The following SOX5 variants were observed in gnomAD, a reference collection of about 807,000 sequenced individuals.
The protein encoded by SOX5 is SRY-box transcription factor 5, also known as transcription factor SOX-5.
A neutral mutation model predicts 92.0 loss-of-function variants in SOX5; 9 were observed. That is an observed-to-expected ratio of 0.10 (90% CI 0.06 to 0.17). SOX5 has a LOEUF of 0.17. Among genes scored for constraint, SOX5 ranks in the 10% least tolerant of loss-of-function variants. The pLI, the probability that SOX5 is intolerant of heterozygous loss-of-function variation, is 1.00. For missense variants in SOX5, 642 were observed against 944.5 expected, an observed-to-expected ratio of 0.68 and a Z score of 4.20; for synonymous variants, 344 against 336.3, an observed-to-expected ratio of 1.02 and a Z score of -0.25.
At chr12:24,397,963 C>T (rs1363571860) in intron 1 of SOX5, among the ~76,000 whole-genome samples, 2 of 152,104 alleles carry the variant, frequency 1.3e-5, no homozygotes, top group Admixed American at 6.6e-5. Flanking sequence ...CATTCTCCTG[C>T]CTCAACCTCC....
chr12:23,926,541 T>C (rs968610137), intron 1 of SOX5, among the ~76,000 whole-genome samples: 1 of 152,148 alleles, frequency 6.6e-6, no homozygotes. Flanking sequence ...TCTGAACTTA[T>C]GGATTATGTT....
At chr12:23,940,044 T>A (rs993715586) in intron 1 of SOX5, among the ~76,000 whole-genome samples, 3 of 151,196 alleles carry the variant, frequency 2.0e-5, no homozygotes, top group African/African-American at 7.3e-5. Context: ...GGATTCTTCA[T>A]ATTTTTTCTT....
chr12:24,546,732 T>C (rs75786999), intron 1 of SOX5, among the ~76,000 whole-genome samples: 2,374 of 152,322 alleles, frequency 0.016, 63 homozygotes, highest in African/African-American at 0.055. Context: ...GAAATATAAC[T>C]GATAAAAAGT....
chr12:24,035,039 A>AT (rs1205905180), intron 4 of SOX5, among the ~76,000 whole-genome samples: 2 of 152,168 alleles, frequency 1.3e-5, no homozygotes, highest in Middle Eastern at 3.4e-3. Flanking sequence ...CCTGTTTCAC[A>AT]TTTTTGTCTG....
intron 2 of SOX5, among the ~76,000 whole-genome samples, chr12:24,343,987 A>G (rs2141095781): frequency 6.6e-6 from 1 of 152,228 alleles, no homozygotes; most frequent in Admixed American, 6.5e-5. Context: ...TTTATCAGAG[A>G]AATAAAAATC....
At chr12:23,716,534 T>C (rs1181878234) in intron 6 of SOX5, among the ~76,000 whole-genome samples, 1 of 152,204 alleles carries the variant, frequency 6.6e-6, no homozygotes, top group East Asian at 1.9e-4. Flanking sequence ...CTCTTTCTTC[T>C]TGGGGAAAAA....
At chr12:24,549,574 T>A (rs890785239) in intron 1 of SOX5, among the ~76,000 whole-genome samples, 1 of 152,202 alleles carries the variant, frequency 6.6e-6, no homozygotes. Flanking sequence ...TTTTGTGCAC[T>A]GGCATGGCTT....
intron 8 of SOX5, among the ~76,000 whole-genome samples, chr12:23,635,688 T>TA (rs1211567157): frequency 6.6e-6 from 1 of 151,706 alleles, no homozygotes; most frequent in Non-Finnish European, 1.5e-5. Context: ...TTTAAAAAAA[T>TA]AAAAAAAGGA....
chr12:24,243,851 A>C (rs1290431215), intron 3 of SOX5, among the ~76,000 whole-genome samples: 2 of 152,102 alleles, frequency 1.3e-5, no homozygotes, highest in Non-Finnish European at 2.9e-5. Context: ...TGGAACTTCC[A>C]CCTGAATAGA....
chr12:23,850,872 C>T (rs866700627), intron 2 of SOX5, among the ~76,000 whole-genome samples: 1 of 152,120 alleles, frequency 6.6e-6, no homozygotes, highest in South Asian at 2.1e-4. Context: ...CAATTGCACG[C>T]ACAATTTCAT....
At chr12:23,675,945 C>T (rs1425073233) in intron 6 of SOX5, among the ~76,000 whole-genome samples, 2 of 151,886 alleles carry the variant, frequency 1.3e-5, no homozygotes, top group East Asian at 1.9e-4. Flanking sequence ...AATGAAATAC[C>T]ACGTCATATC....
At chr12:23,607,990 C>T (rs1004707808) in intron 8 of SOX5, among the ~76,000 whole-genome samples, 4 of 151,514 alleles carry the variant, frequency 2.6e-5, no homozygotes, top group African/African-American at 7.3e-5. Context: ...CTGAGCTGAG[C>T]CAGGTGTGGT....
chr12:23,700,645 A>G (rs1220543947), intron 6 of SOX5, among the ~76,000 whole-genome samples: 1 of 152,104 alleles, frequency 6.6e-6, no homozygotes, highest in Non-Finnish European at 1.5e-5. Context: ...ATGTCAAAGT[A>G]TGGCAGAGAG....
At chr12:24,163,320 AGAC>A (rs761375683) in intron 4 of SOX5, among the ~76,000 whole-genome samples, 15 of 152,272 alleles carry the variant, frequency 9.9e-5, no homozygotes, top group Non-Finnish European at 1.6e-4. Flanking sequence ...GCTCCTTTGC[AGAC>A]GTGTCTACAT....
chr12:24,561,875 TC>T (rs1230048475), intron 1 of SOX5, among the ~76,000 whole-genome samples: 1 of 152,196 alleles, frequency 6.6e-6, no homozygotes, highest in Non-Finnish European at 1.5e-5. Flanking sequence ...ACTTTTAGGG[TC>T]TGGCCTTGGA....
chr12:24,084,425 C>A (rs1406943397), intron 4 of SOX5, among the ~76,000 whole-genome samples: 1 of 152,052 alleles, frequency 6.6e-6, no homozygotes, highest in East Asian at 1.9e-4. Flanking sequence ...GATTTCATAT[C>A]TTGAGTATCT....
At chr12:24,549,601 A>G (rs1952956971) in intron 1 of SOX5, among the ~76,000 whole-genome samples, 7 of 152,184 alleles carry the variant, frequency 4.6e-5, no homozygotes. Flanking sequence ...GAGCATTCTG[A>G]GAAGAGTTAA....
At chr12:23,965,267 C>T (rs188482411) in intron 4 of SOX5, among the ~76,000 whole-genome samples, 238 of 152,298 alleles carry the variant, frequency 1.6e-3, no homozygotes, top group Non-Finnish European at 2.1e-3. Flanking sequence ...GTGGCCTGAC[C>T]GCTAAGAATG....
intron 1 of SOX5, among the ~76,000 whole-genome samples, chr12:24,496,287 G>T (rs939563223): frequency 1.3e-5 from 2 of 152,090 alleles, no homozygotes; most frequent in Non-Finnish European, 2.9e-5. Flanking sequence ...AGCCAAATTG[G>T]GCTACAAATC....
Sources: gnomAD v4.1 joint callset for allele counts (sites outside exome capture counted in the v4.1 genomes callset) on GRCh38, gnomAD v4.1.1 for gene constraint, MANE v1.5 for transcripts, NCBI Gene and HGNC (gene_info 2026-07-23, HGNC 2026-07-21) for gene names.